Variants in SMOC2 observed in about 807,000 individuals in gnomAD.
SMOC2 encodes SPARC related modular calcium binding 2, also known as SPARC-related modular calcium-binding protein 2.
A neutral mutation model predicts 61.4 loss-of-function variants in SMOC2; 39 were observed. The ratio of observed to expected loss-of-function variants is 0.64; its 90% CI spans 0.49 to 0.83. The LOEUF (loss-of-function observed/expected upper bound fraction) is 0.83, where lower values mean the gene tolerates loss of function less well. Among genes scored for constraint, SMOC2 ranks in the 40% least tolerant of loss-of-function variants. The pLI, the probability that SMOC2 is intolerant of heterozygous loss-of-function variation, is 0.00. For missense variants in SMOC2, 556 were observed against 592.9 expected, an observed-to-expected ratio of 0.94 and a Z score of 0.65; for synonymous variants, 247 against 239.9, an observed-to-expected ratio of 1.03 and a Z score of -0.27.
At chr6:168,528,790 A>G (rs1783515838) in intron 4 of SMOC2, among the ~76,000 whole-genome samples, 1 of 152,218 alleles carries the variant, frequency 6.6e-6, no homozygotes, top group African/African-American at 2.4e-5. Context: ...ATAGTGCTGG[A>G]AATATATCTT....
intron 9 of SMOC2, among the ~76,000 whole-genome samples, chr6:168,626,559 G>A (rs1786415393): frequency 6.6e-6 from 1 of 152,234 alleles, no homozygotes; most frequent in African/African-American, 2.4e-5. Context: ...TCCACATTCT[G>A]CTACAGCCTG....
At chr6:168,599,055 T>C in intron 8 of SMOC2, 51 bp downstream of exon 8, 5 of 1,501,270 alleles carry the variant, frequency 3.3e-6, no homozygotes, top group Non-Finnish European at 4.5e-6. Flanking sequence ...CTTTGGGGTG[T>C]GGAAGCCAGG....
At chr6:168,566,592 C>G (rs1784547700) in intron 7 of SMOC2, among the ~76,000 whole-genome samples, 1 of 150,558 alleles carries the variant, frequency 6.6e-6, no homozygotes. Flanking sequence ...AAGTGATTCT[C>G]CTGCCTCAGC....
chr6:168,615,011 A>ACACC (rs1786025769), intron 9 of SMOC2, among the ~76,000 whole-genome samples: 7 of 69,484 alleles, frequency 1.0e-4, no homozygotes, highest in Admixed American at 2.9e-4. Flanking sequence ...GGGCCTCTTC[A>ACACC]TACCTACAGC....
chr6:168,637,880 G>A (rs1034735706), intron 9 of SMOC2, among the ~76,000 whole-genome samples: 3 of 152,198 alleles, frequency 2.0e-5, no homozygotes, highest in Non-Finnish European at 2.9e-5. Flanking sequence ...GAGGCCTCAG[G>A]TGTCAATGTG....
At chr6:168,597,116 T>G (rs1329168514) in intron 7 of SMOC2, among the ~76,000 whole-genome samples, 1 of 152,222 alleles carries the variant, frequency 6.6e-6, no homozygotes, top group Non-Finnish European at 1.5e-5. Context: ...CAGGGGAGAA[T>G]GATTGTTAGT....
At chr6:168,649,190 C>T (rs556477685) in intron 9 of SMOC2, among the ~76,000 whole-genome samples, 6 of 152,342 alleles carry the variant, frequency 3.9e-5, no homozygotes, top group Admixed American at 6.5e-5. Flanking sequence ...TGCAGCTCTC[C>T]GCGTCCTCCA....
At chr6:168,665,213 C>G (rs2115296784) in intron 12 of SMOC2, 1 of 158,444 alleles carries the variant, frequency 6.3e-6, no homozygotes, top group Middle Eastern at 3.2e-3. Context: ...TAAATAAACT[C>G]AGTTCAAAGC....
intron 1 of SMOC2, among the ~76,000 whole-genome samples, chr6:168,442,859 T>C (rs1781248517): frequency 6.6e-6 from 1 of 152,236 alleles, no homozygotes; most frequent in Non-Finnish European, 1.5e-5. Context: ...GATTAGAAAC[T>C]GCTAACTGGG....
At chr6:168,540,990 C>G (rs17551813) in intron 4 of SMOC2, among the ~76,000 whole-genome samples, 2 of 152,150 alleles carry the variant, frequency 1.3e-5, no homozygotes, top group Non-Finnish European at 2.9e-5. Context: ...AGCATAACAC[C>G]GTTCCCTCCA....
intron 11 of SMOC2, among the ~76,000 whole-genome samples, chr6:168,661,650 T>G (rs1787512619): frequency 6.6e-6 from 1 of 152,188 alleles, no homozygotes; most frequent in Non-Finnish European, 1.5e-5. Flanking sequence ...AACTTTAATT[T>G]ACAGCTACTT....
chr6:168,583,010 A>G (rs1470688256), intron 7 of SMOC2, among the ~76,000 whole-genome samples: 16 of 151,846 alleles, frequency 1.1e-4, no homozygotes, highest in Non-Finnish European at 1.6e-4. Flanking sequence ...TCACCTTCAC[A>G]GAGGCTGCCC....
At chr6:168,659,711 A>AGGTTGTGTGAGGATGGAGATTGTT (rs1562410930) in intron 11 of SMOC2, among the ~76,000 whole-genome samples, 5 of 75,686 alleles carry the variant, frequency 6.6e-5, no homozygotes, top group Admixed American at 1.2e-4. Flanking sequence ...TGGAGGTTGT[A>AGGTTGTGTGAGGATGGAGATTGTT]GGCTGAGTGA....
chr6:168,519,216 T>A (rs1156425559), intron 2 of SMOC2, among the ~76,000 whole-genome samples: 30 of 141,016 alleles, frequency 2.1e-4, no homozygotes, highest in Admixed American at 4.4e-4. Flanking sequence ...CATGCGTGTG[T>A]GAGAGAGTGT....
At chr6:168,664,035 T>G (rs1327376675) in intron 11 of SMOC2, 39 bp from the exon 12 acceptor site, 2 of 1,547,544 alleles carry the variant, frequency 1.3e-6, no homozygotes, top group Admixed American at 1.7e-5. Flanking sequence ...AAATAATGAG[T>G]CTCTGATTTT....
chr6:168,655,586 C>T (rs1787300836), intron 11 of SMOC2: 1 of 359,238 alleles, frequency 2.8e-6, no homozygotes, highest in African/African-American at 2.1e-5. Context: ...ACTAGATACC[C>T]GGCACATGTG....
At chr6:168,613,915 G>A (rs111232055) in intron 9 of SMOC2, among the ~76,000 whole-genome samples, 3 of 55,576 alleles carry the variant, frequency 5.4e-5, no homozygotes, top group Admixed American at 1.7e-4. Flanking sequence ...AGCACAGGGG[G>A]CCTCTTCACA....
intron 1 of SMOC2, among the ~76,000 whole-genome samples, chr6:168,485,596 A>G (rs754140102): frequency 3.3e-5 from 5 of 152,238 alleles, no homozygotes; most frequent in Non-Finnish European, 5.9e-5. Flanking sequence ...ATGAGTCTCT[A>G]TATAAAATGC....
At chr6:168,471,241 A>G (rs1231187024) in intron 1 of SMOC2, among the ~76,000 whole-genome samples, 1 of 152,208 alleles carries the variant, frequency 6.6e-6, no homozygotes, top group African/African-American at 2.4e-5. Flanking sequence ...AGTAGCCACC[A>G]TTCTACTTTC....
Sources: allele counts gnomAD v4.1 joint callset (sites outside exome capture counted in the v4.1 genomes callset), GRCh38; gene constraint gnomAD v4.1.1; transcripts MANE v1.5; gene names NCBI Gene and HGNC (gene_info 2026-07-23, HGNC 2026-07-21).